Variants in XPNPEP1 observed in about 807,000 individuals in gnomAD.
XPNPEP1 encodes the protein X-prolyl aminopeptidase 1.
Under a neutral mutation model 92.4 loss-of-function variants are expected in XPNPEP1, and 39 were observed. The ratio of observed to expected loss-of-function variants is 0.42; its 90% CI spans 0.33 to 0.55. The LOEUF (loss-of-function observed/expected upper bound fraction) is 0.55. Among genes scored for constraint, XPNPEP1 ranks in the 20% least tolerant of loss-of-function variants. The pLI is 0.08. For missense variants in XPNPEP1, 654 were observed against 856.1 expected, an observed-to-expected ratio of 0.76 and a Z score of 2.95; for synonymous variants, 307 against 299.4, an observed-to-expected ratio of 1.03 and a Z score of -0.26.
intron 12 of XPNPEP1, 156 bp from the exon 13 acceptor site, chr10:109,878,214 A>G: frequency 2.8e-6 from 2 of 717,902 alleles, no homozygotes; most frequent in Non-Finnish European, 4.7e-6. Flanking sequence ...AGAACTCCCA[A>G]AGGCTCTCAC....
chr10:109,866,679 C>G (rs1302270829), intron 20 of XPNPEP1, among the ~76,000 whole-genome samples: 1 of 152,188 alleles, frequency 6.6e-6, no homozygotes, highest in Non-Finnish European at 1.5e-5. Flanking sequence ...CCTTTGCTGC[C>G]ATCTGGTGAT....
At chr10:109,900,266 G>A (rs925965708) in intron 3 of XPNPEP1, among the ~76,000 whole-genome samples, 2 of 152,128 alleles carry the variant, frequency 1.3e-5, no homozygotes, top group Admixed American at 6.5e-5. Context: ...CCAGCCGTAG[G>A]AGAAACTCCA....
In XPNPEP1 at chr10:109,882,543, G is replaced by A; in HGVS notation, c.930C>T (p.Pro310=). The A allele has an allele frequency of 1.9e-6, 3 of 1,614,200 alleles. No homozygotes were observed. Among genetic ancestry groups the A allele is most frequent in the Non-Finnish European group, 2.5e-6 (3 of 1,180,040 alleles). The change falls in exon 10 of 21, where the codon CCC becomes CCT. Residue 310 remains proline, a synonymous_variant. Transcript: ENST00000502935. ...TGAGCTCGCTCAGGATGGACTTGTA[G>A]GGATGCACCTGGATCCTGTATTCGG... ...LEAEYRIQVH[P]YKSILSELKA...
intron 2 of XPNPEP1, among the ~76,000 whole-genome samples, chr10:109,908,820 T>C (rs1849697607): frequency 6.6e-6 from 1 of 152,236 alleles, no homozygotes; most frequent in South Asian, 2.1e-4. Flanking sequence ...GTATGTTTTA[T>C]AAACCTTTTG....
chr10:109,868,735 G>A (rs186298808), intron 19 of XPNPEP1, 23 bp from the exon 20 acceptor site: 3 of 1,600,986 alleles, frequency 1.9e-6, no homozygotes, highest in Non-Finnish European at 1.7e-6. Context: ...GAAGAAAACA[G>A]ATGCTTTTAC....
chr10:109,868,052 C>G (rs1018116866), intron 20 of XPNPEP1, among the ~76,000 whole-genome samples: 2 of 152,214 alleles, frequency 1.3e-5, no homozygotes, highest in Non-Finnish European at 2.9e-5. Flanking sequence ...CAAGTAAGCA[C>G]TGTTGTGCCC....
intron 4 of XPNPEP1, among the ~76,000 whole-genome samples, chr10:109,892,057 G>A (rs2133448223): frequency 6.6e-6 from 1 of 152,248 alleles, no homozygotes; most frequent in East Asian, 1.9e-4. Context: ...ACCTGGCACT[G>A]GTCCCTGCAC....
At chr10:109,914,919 C>T (rs951516387) in intron 2 of XPNPEP1, 92 bp downstream of exon 2, 50 of 705,072 alleles carry the variant, frequency 7.1e-5, no homozygotes, top group Non-Finnish European at 1.0e-4. Context: ...TTACTAATTC[C>T]TTACCCTCTT....
intron 17 of XPNPEP1, 93 bp downstream of exon 17, chr10:109,871,699 T>C: frequency 6.9e-7 from 1 of 1,442,052 alleles, no homozygotes; most frequent in African/African-American, 1.6e-5. Context: ...GACCTCACAG[T>C]GAAGGAACGA....
intron 3 of XPNPEP1, among the ~76,000 whole-genome samples, chr10:109,894,404 G>C (rs1186887690): frequency 6.6e-6 from 1 of 152,036 alleles, no homozygotes; most frequent in Non-Finnish European, 1.5e-5. Context: ...GGTGGCACGT[G>C]CCTGTAGTCC....
At chr10:109,878,479 G>A in intron 12 of XPNPEP1, 1 of 168,218 alleles carries the variant, frequency 5.9e-6, no homozygotes, top group South Asian at 1.5e-4. Flanking sequence ...AGGAGGACTG[G>A]GTTAGTAAAT....
intron 1 of XPNPEP1, among the ~76,000 whole-genome samples, chr10:109,922,450 T>C (rs1589650936): frequency 2.0e-5 from 3 of 152,288 alleles, no homozygotes; most frequent in African/African-American, 7.2e-5. Flanking sequence ...TCCCACATAC[T>C]TCCACAGGGT....
chr10:109,885,978 C>T (rs1225560358), intron 8 of XPNPEP1, among the ~76,000 whole-genome samples: 3 of 152,202 alleles, frequency 2.0e-5, no homozygotes, highest in Admixed American at 2.0e-4. Context: ...AATGCCCTTC[C>T]TCAGAGGTGC....
chr10:109,906,644 G>C (rs1301520379), intron 3 of XPNPEP1, among the ~76,000 whole-genome samples: 3 of 152,198 alleles, frequency 2.0e-5, no homozygotes, highest in Non-Finnish European at 4.4e-5. Flanking sequence ...TGCAACTGAA[G>C]AATCCTGTAA....
intron 15 of XPNPEP1, 33 bp from the exon 16 acceptor site, chr10:109,873,460 C>T: frequency 6.2e-7 from 1 of 1,613,958 alleles, no homozygotes; most frequent in South Asian, 1.1e-5. Context: ...GGTTTCCCGT[C>T]AAAATAAGCT....
intron 12 of XPNPEP1, among the ~76,000 whole-genome samples, chr10:109,879,843 C>T (rs1847992752): frequency 6.6e-6 from 1 of 152,060 alleles, no homozygotes; most frequent in Non-Finnish European, 1.5e-5. Flanking sequence ...TCAAAATGTA[C>T]ACAAAGATCT....
chr10:109,889,054 C>T (rs540773082), intron 5 of XPNPEP1, among the ~76,000 whole-genome samples: 4 of 152,322 alleles, frequency 2.6e-5, no homozygotes, highest in African/African-American at 9.6e-5. Context: ...CCAGTGCCCG[C>T]CCCTCATCTG....
intron 2 of XPNPEP1, among the ~76,000 whole-genome samples, chr10:109,912,506 T>C (rs1849933531): frequency 6.6e-6 from 1 of 152,130 alleles, no homozygotes; most frequent in Admixed American, 6.5e-5. Flanking sequence ...ATTGAATGAG[T>C]GAGCAGCTGG....
intron 9 of XPNPEP1, 55 bp downstream of exon 9, chr10:109,884,012 A>G: frequency 1.3e-6 from 2 of 1,557,752 alleles, no homozygotes. Flanking sequence ...GAAAGGGCAC[A>G]CTAGGGCTCT....
Sources: gnomAD v4.1 joint callset for allele counts (sites outside exome capture counted in the v4.1 genomes callset) on GRCh38, gnomAD v4.1.1 for gene constraint, MANE v1.5 for transcripts, NCBI Gene and HGNC (gene_info 2026-07-23, HGNC 2026-07-21) for gene names.